Variants in COL11A1 observed in about 807,000 individuals in gnomAD.
The protein encoded by COL11A1 is collagen alpha-1(XI) chain.
COL11A1 carries 74 observed loss-of-function variants against 265.2 expected under a neutral mutation model. The observed-to-expected ratio is 0.28, with a 90% CI of 0.23 to 0.34. The LOEUF is 0.34. COL11A1 is among the 10% of genes least tolerant of loss of function. The probability of loss-of-function intolerance (pLI) is 1.00; values close to 1 mark genes in which losing one functional copy is unlikely to be tolerated. For synonymous variants in COL11A1, 816 were observed against 727.6 expected, an observed-to-expected ratio of 1.12 and a Z score of -1.96; for missense variants, 2,165 against 2,263.6, an observed-to-expected ratio of 0.96 and a Z score of 0.88.
intron 14 of COL11A1, among the ~76,000 whole-genome samples, chr1:103,011,596 T>A (rs545968469): frequency 7.9e-5 from 12 of 152,182 alleles, no homozygotes; most frequent in Non-Finnish European, 1.5e-4. Flanking sequence ...GAAGGCAAAG[T>A]ACTTGATTTA....
At chr1:103,041,218 T>C (rs1668787048) in intron 4 of COL11A1, among the ~76,000 whole-genome samples, 2 of 151,914 alleles carry the variant, frequency 1.3e-5, no homozygotes, top group South Asian at 4.1e-4. Flanking sequence ...ATTTTAGATT[T>C]ATTTTTAAAG....
intron 9 of COL11A1, among the ~76,000 whole-genome samples, chr1:103,019,768 G>T (rs1571055775): frequency 7.8e-6 from 1 of 127,908 alleles, no homozygotes; most frequent in Non-Finnish European, 1.6e-5. Context: ...TCCCCAGAGT[G>T]TGATGTTCCC....
intron 7 of COL11A1, 55 bp from the exon 8 acceptor site, chr1:103,023,051 C>G: frequency 6.4e-7 from 1 of 1,561,556 alleles, no homozygotes; most frequent in South Asian, 1.1e-5. Context: ...GTTAGTAAAG[C>G]AAGGTAAGCA....
At chr1:103,021,411 G>A (rs1241043452) in intron 9 of COL11A1, among the ~76,000 whole-genome samples, 1 of 152,034 alleles carries the variant, frequency 6.6e-6, no homozygotes, top group Non-Finnish European at 1.5e-5. Flanking sequence ...GATACCTCAG[G>A]AAAATTACTT....
chr1:103,073,511 T>C (rs962198952), intron 4 of COL11A1, among the ~76,000 whole-genome samples: 1 of 151,858 alleles, frequency 6.6e-6, no homozygotes, highest in Admixed American at 6.6e-5. Context: ...CATTATAAAC[T>C]ACCTGAATCA....
rs150549339 is a variant in COL11A1, at chr1:102,950,256, C to G, written c.3169-3300G>C. Reference sequence around the variant, plus strand: ...TGTGATTATACTGCTGCACTCCAGCCTAGGTGACAGAGCAGGACTCTGTCT... The same window carrying G: ...TGTGATTATACTGCTGCACTCCAGCGTAGGTGACAGAGCAGGACTCTGTCT... On this transcript the variant is annotated intron_variant, in intron 41 of 66. Transcript: ENST00000370096. 2.6e-4 allele frequency among the ~76,000 whole-genome samples: 40 copies of G among 152,182 alleles called. No individual in the cohort carries two copies. The East Asian group carries it at 7.0e-3, about 27-fold the overall frequency.
chr1:102,930,996 A>C (rs1198853746), intron 46 of COL11A1, among the ~76,000 whole-genome samples: 1 of 149,072 alleles, frequency 6.7e-6, no homozygotes, highest in Admixed American at 6.8e-5. Flanking sequence ...TTTCTTTATT[A>C]GTCTTGCTAG....
intron 7 of COL11A1, among the ~76,000 whole-genome samples, chr1:103,023,896 A>G (rs1281077739): frequency 6.6e-6 from 1 of 152,206 alleles, no homozygotes; most frequent in African/African-American, 2.4e-5. Context: ...CATTTAGGAC[A>G]ATGAAATATA....
At chr1:102,928,021 C>T (rs1274258546) in intron 46 of COL11A1, among the ~76,000 whole-genome samples, 2 of 152,018 alleles carry the variant, frequency 1.3e-5, no homozygotes, top group South Asian at 2.1e-4. Context: ...CCTGGGACTT[C>T]GTGTTCCTCC....
chr1:102,979,197 A>G lies in COL11A1; in HGVS notation c.2611-93T>C. The G allele has an allele frequency of 4.6e-6, 6 of 1,294,736 alleles. No individual in the cohort carries two copies. The South Asian group carries it at 7.2e-5, about 16-fold the overall frequency. 80.2% of individuals were successfully genotyped at this position (1,294,736 alleles called of 1,614,324 possible). A position where few individuals can be genotyped will look rare whatever the true frequency, so the allele number is the denominator to read the frequency against. On this transcript the variant is annotated intron_variant, in intron 32 of 66. Coordinates refer to ENST00000370096, the MANE Select transcript of COL11A1 (RefSeq NM_001854.4). ...GAGTAGTCATGCAAGAACATCATTC[A>G]TTCATTCATTCATTCGTATTCATTT...
At chr1:103,008,375 A>C in intron 15 of COL11A1, 88 bp downstream of exon 15, 1 of 1,126,418 alleles carries the variant, frequency 8.9e-7, no homozygotes, top group Non-Finnish European at 1.3e-6. Context: ...GGAACAAAAA[A>C]AAAATTAACT....
At chr1:102,908,450 T>A (rs2100994140) in intron 54 of COL11A1, among the ~76,000 whole-genome samples, 1 of 152,256 alleles carries the variant, frequency 6.6e-6, no homozygotes, top group Non-Finnish European at 1.5e-5. Context: ...AATTTATGAC[T>A]GGAGGTCAAA....
intron 4 of COL11A1, among the ~76,000 whole-genome samples, chr1:103,064,852 G>A (rs950104216): frequency 2.5e-4 from 38 of 150,692 alleles, no homozygotes; most frequent in African/African-American, 7.3e-5. Context: ...AAAAAAAATC[G>A]CAACTTCCAG....
At chr1:102,937,900 C>T (rs1658316700) in intron 44 of COL11A1, among the ~76,000 whole-genome samples, 1 of 152,190 alleles carries the variant, frequency 6.6e-6, no homozygotes, top group African/African-American at 2.4e-5. Flanking sequence ...TCAATACTAA[C>T]TGCATCAAAC....
intron 38 of COL11A1, among the ~76,000 whole-genome samples, chr1:102,964,333 G>A (rs1046101662): frequency 2.6e-5 from 4 of 152,140 alleles, no homozygotes; most frequent in East Asian, 1.9e-4. Flanking sequence ...AAAAATGAAA[G>A]TATTTTTGGA....
At chr1:103,015,212 AT>A (rs1029516532) in intron 12 of COL11A1, among the ~76,000 whole-genome samples, 2 of 151,892 alleles carry the variant, frequency 1.3e-5, no homozygotes, top group Admixed American at 6.6e-5. Flanking sequence ...TAAAATATGC[AT>A]TTTTTTCCCA....
intron 41 of COL11A1, among the ~76,000 whole-genome samples, chr1:102,954,800 C>T (rs1477718832): frequency 1.3e-5 from 2 of 150,696 alleles, no homozygotes; most frequent in South Asian, 2.1e-4. Flanking sequence ...GGCGAGATTG[C>T]GTCACTGCAT....
At position 103,026,341 on chromosome 1, in the gene COL11A1, C is replaced by A. The variant is rs777149024; in HGVS notation, c.781-9G>T. 1 of 1,578,986 alleles carries A rather than the reference C, an allele frequency of 6.3e-7. No homozygotes were observed. Among genetic ancestry groups the A allele is most frequent in the South Asian group, 1.1e-5 (1 of 90,342 alleles). ...ATATCCTCTGGTGCATACTACATTGCAAAGGAAAAAATATCAGGCAATTGT... is the reference window on the plus strand; with the variant it reads ...ATATCCTCTGGTGCATACTACATTGAAAAGGAAAAAATATCAGGCAATTGT... On this transcript the variant is annotated splice_polypyrimidine_tract_variant and intron_variant, in intron 5 of 66. Coordinates refer to ENST00000370096, the MANE Select transcript of COL11A1 (RefSeq NM_001854.4).
intron 57 of COL11A1, among the ~76,000 whole-genome samples, chr1:102,890,953 T>C (rs1159586109): frequency 6.6e-6 from 1 of 151,982 alleles, no homozygotes; most frequent in Non-Finnish European, 1.5e-5. Flanking sequence ...GGAAAAAAAA[T>C]AGACAAAATT....
Sources: allele counts gnomAD v4.1 joint callset (sites outside exome capture counted in the v4.1 genomes callset), GRCh38; gene constraint gnomAD v4.1.1; transcripts MANE v1.5; gene names NCBI Gene and HGNC (gene_info 2026-07-23, HGNC 2026-07-21).